Variants in STX3 observed in about 807,000 individuals in gnomAD.
STX3 encodes syntaxin-3.
A neutral mutation model predicts 40.2 loss-of-function variants in STX3; 19 were observed. That is an observed-to-expected ratio of 0.47 (90% CI 0.33 to 0.69). The LOEUF (loss-of-function observed/expected upper bound fraction) is 0.69. Among genes scored for constraint, STX3 ranks in the 30% least tolerant of loss-of-function variants. STX3 has a pLI of 0.02. For missense variants in STX3, 364 were observed against 366.7 expected (o/e 0.99, Z 0.06); for synonymous variants, 122 against 132.2 (o/e 0.92, Z 0.53).
chr11:59,781,100 T>TTTTTTTTTTTTATATA (rs963410109), intron 2 of STX3, among the ~76,000 whole-genome samples: 55 of 146,330 alleles, frequency 3.8e-4, no homozygotes, highest in African/African-American at 5.4e-4. Flanking sequence ...TTTTTTTTTT[T>TTTTTTTTTTTTATATA]TATATTAGCA....
At chr11:59,786,234 T>TC (rs1430775658) in intron 2 of STX3, among the ~76,000 whole-genome samples, 4 of 151,328 alleles carry the variant, frequency 2.6e-5, no homozygotes, top group African/African-American at 9.7e-5. Flanking sequence ...TTTATCTGTT[T>TC]CTTTCTTTCT....
chr11:59,802,117 G>A lies in STX3; in HGVS notation c.*1293G>A. The A allele has an allele frequency of 1.0e-6, 1 of 985,398 alleles. No homozygotes were observed. The highest frequency in any genetic ancestry group is 1.2e-6 in the Non-Finnish European group (1 of 829,938). The allele number at this position is 985,398 out of a possible 1,614,324, so 61.0% of individuals were successfully genotyped here. A position where few individuals can be genotyped will look rare whatever the true frequency, so the allele number is the denominator to read the frequency against. On this transcript the variant is annotated 3_prime_UTR_variant, in exon 11 of 11. Transcript: ENST00000337979. ...AACTTGATATTCACATGACCTACAGGATGTCCCATCTGCAGGGCTGAGTCA... is the reference window on the plus strand; with the variant it reads ...AACTTGATATTCACATGACCTACAGAATGTCCCATCTGCAGGGCTGAGTCA...
At chr11:59,773,715 C>T (rs1033836505) in intron 2 of STX3, among the ~76,000 whole-genome samples, 4 of 152,148 alleles carry the variant, frequency 2.6e-5, no homozygotes, top group African/African-American at 9.7e-5. Context: ...CATGGTGGCT[C>T]ACACCTGTAA....
At chr11:59,798,644 C>T (rs494240) in intron 10 of STX3, among the ~76,000 whole-genome samples, 1,770 of 150,280 alleles carry the variant, frequency 0.012, 35 homozygotes, top group African/African-American at 0.04. Flanking sequence ...CTCAGCCTCC[C>T]GAGTAGCTGG....
chr11:59,761,695 T>C lies in STX3; in HGVS notation c.30+6060T>C, dbSNP rs190441931. ...GGCATTGGACCATTTCCATGGCAACTTTCCCCAGTCTCCATCTGGAAACTG... is the reference window on the plus strand; with the variant it reads ...GGCATTGGACCATTTCCATGGCAACCTTCCCCAGTCTCCATCTGGAAACTG... On this transcript the variant is annotated intron_variant, in intron 1 of 10. Transcript: ENST00000337979. 4.6e-5 allele frequency among the ~76,000 whole-genome samples: 7 copies of C among 152,254 alleles called. No homozygotes were observed. The East Asian group carries it at 1.2e-3, about 25-fold the overall frequency.
intron 5 of STX3, 91 bp from the exon 6 acceptor site, chr11:59,792,016 G>C: frequency 9.8e-7 from 1 of 1,024,354 alleles, no homozygotes; most frequent in Non-Finnish European, 1.5e-6. Context: ...CAAGTCCAGT[G>C]CTATTGTAGA....
chr11:59,786,172 G>GTC (rs1230850127), intron 2 of STX3, among the ~76,000 whole-genome samples: 1 of 151,930 alleles, frequency 6.6e-6, no homozygotes, highest in Non-Finnish European at 1.5e-5. Context: ...AGCTTGGGCT[G>GTC]TCTCCTGAGA....
chr11:59,799,128 G>A (rs999309370), intron 10 of STX3, among the ~76,000 whole-genome samples: 9 of 151,842 alleles, frequency 5.9e-5, no homozygotes, highest in East Asian at 1.9e-4. Flanking sequence ...GGACTCAAGC[G>A]ATCCACTTGC....
Position 59,755,466 on chromosome 11 carries a change from C to T in STX3, c.-140C>T. On this transcript the variant is annotated 5_prime_UTR_variant, in exon 1 of 11. Coordinates refer to ENST00000337979, the MANE Select transcript of STX3 (RefSeq NM_004177.5). ...GGACGCTCCTCCTAGCTAGCGGCCG[C>T]CGCCCGCCGCCGCCTGCGCCTCCAG... 1 of 1,087,126 alleles carries T rather than the reference C, an allele frequency of 9.2e-7. No homozygotes were observed. The highest frequency in any genetic ancestry group is 1.2e-6 in the Non-Finnish European group (1 of 820,128). 67.3% of individuals were successfully genotyped at this position (1,087,126 alleles called of 1,614,324 possible).
intron 2 of STX3, among the ~76,000 whole-genome samples, chr11:59,776,264 C>A (rs1228857224): frequency 2.0e-5 from 3 of 152,166 alleles, no homozygotes; most frequent in African/African-American, 7.2e-5. Flanking sequence ...GTTAACTACT[C>A]TAAACCCCAG....
At chr11:59,777,313 C>T (rs989364537) in intron 2 of STX3, among the ~76,000 whole-genome samples, 4 of 152,176 alleles carry the variant, frequency 2.6e-5, no homozygotes, top group African/African-American at 9.7e-5. Context: ...TGGAATGGCT[C>T]AGACTTTTGG....
At chr11:59,772,667 T>C (rs1863719863) in intron 1 of STX3, among the ~76,000 whole-genome samples, 1 of 152,192 alleles carries the variant, frequency 6.6e-6, no homozygotes, top group African/African-American at 2.4e-5. Flanking sequence ...ATTCTACCTG[T>C]TGCCATGTTT....
chr11:59,774,153 G>A (rs1863822787), intron 2 of STX3, among the ~76,000 whole-genome samples: 1 of 152,132 alleles, frequency 6.6e-6, no homozygotes, highest in Non-Finnish European at 1.5e-5. Context: ...ACTATGATAG[G>A]TAGGTGGTGG....
chr11:59,775,352 AT>A (rs1482775033), intron 2 of STX3, among the ~76,000 whole-genome samples: 3 of 151,860 alleles, frequency 2.0e-5, no homozygotes, highest in African/African-American at 7.2e-5. Context: ...TCACTCCGTG[AT>A]GGGGGTGGAC....
Position 59,788,877 on chromosome 11 carries a change from C to G in STX3, c.219C>G (p.Thr73=). 1 of 1,611,862 alleles carries G rather than the reference C, an allele frequency of 6.2e-7. No individual in the cohort carries two copies. The highest frequency in any genetic ancestry group is 8.5e-7 in the Non-Finnish European group (1 of 1,178,966). ...ILSAPIPEPK[T]KDDLEQLTTE... Reference sequence around the variant, plus strand: ...TGCCTGCCTTTATTTACCCAGAAACCAAGGATGACCTAGAGCAGCTCACGA... The same window carrying G: ...TGCCTGCCTTTATTTACCCAGAAACGAAGGATGACCTAGAGCAGCTCACGA... Residue 73 remains threonine, a synonymous_variant, in exon 4 of 11, where the codon ACC becomes ACG. Coordinates refer to ENST00000337979, the MANE Select transcript of STX3 (RefSeq NM_004177.5).
At chr11:59,783,357 C>T (rs1864539757) in intron 2 of STX3, among the ~76,000 whole-genome samples, 1 of 152,176 alleles carries the variant, frequency 6.6e-6, no homozygotes, top group South Asian at 2.1e-4. Flanking sequence ...GTTCAAACCT[C>T]AGTTTTGCCT....
Position 59,780,045 on chromosome 11 carries a change from C to T in STX3, c.114+6751C>T, listed in dbSNP as rs543464723. On this transcript the variant is annotated intron_variant, in intron 2 of 10. Transcript: ENST00000337979. ...GGCAGGAAGCCTTGCCAGTCATTTG[C>T]CTATTTGCATTCAGGACCATTCCCT... Among the ~76,000 whole-genome samples, 16 of 152,280 alleles carry T rather than the reference C, an allele frequency of 1.1e-4. No homozygotes were observed. In the South Asian group the frequency reaches 3.3e-3, roughly 32 times the overall value.
chr11:59,758,774 T>C (rs1290098167), intron 1 of STX3, among the ~76,000 whole-genome samples: 1 of 152,234 alleles, frequency 6.6e-6, no homozygotes, highest in Non-Finnish European at 1.5e-5. Flanking sequence ...TTGAATCTGC[T>C]GAGTCCAGAC....
intron 10 of STX3, among the ~76,000 whole-genome samples, chr11:59,798,189 A>G (rs1865636942): frequency 6.6e-6 from 1 of 151,938 alleles, no homozygotes; most frequent in East Asian, 1.9e-4. Flanking sequence ...TAAAAGTGAT[A>G]GACTTACCAC....
Sources: allele counts gnomAD v4.1 joint callset (sites outside exome capture counted in the v4.1 genomes callset), GRCh38; gene constraint gnomAD v4.1.1; transcripts MANE v1.5; gene names NCBI Gene and HGNC (gene_info 2026-07-23, HGNC 2026-07-21).